The following ADAMTS2 variants were observed in gnomAD, a reference collection of about 807,000 sequenced individuals.
ADAMTS2 encodes A disintegrin and metalloproteinase with thrombospondin motifs 2.
Under a neutral mutation model 123.0 loss-of-function variants are expected in ADAMTS2, and 50 were observed. The observed-to-expected ratio is 0.41, with a 90% CI of 0.32 to 0.51. The LOEUF (loss-of-function observed/expected upper bound fraction) is 0.51. Ranked by LOEUF, ADAMTS2 falls within the 20% of genes least tolerant of loss-of-function variation. ADAMTS2 has a pLI of 0.35. For missense variants in ADAMTS2, 1,494 were observed against 1,705.2 expected (o/e 0.88, Z 2.18); for synonymous variants, 678 against 695.4 (o/e 0.98, Z 0.39).
intron 2 of ADAMTS2, among the ~76,000 whole-genome samples, chr5:179,297,524 CT>C (rs1214303618): frequency 6.6e-6 from 1 of 152,096 alleles, no homozygotes; most frequent in African/African-American, 2.4e-5. Flanking sequence ...CAGCCTGCCC[CT>C]TTCTCTTGAC....
intron 2 of ADAMTS2, among the ~76,000 whole-genome samples, chr5:179,280,640 C>G (rs1382931374): frequency 6.6e-6 from 1 of 152,154 alleles, no homozygotes; most frequent in Non-Finnish European, 1.5e-5. Context: ...CAGCAGCCGT[C>G]TGTCCCTGGG....
At chr5:179,311,852 G>A (rs545091421) in intron 2 of ADAMTS2, among the ~76,000 whole-genome samples, 15 of 152,308 alleles carry the variant, frequency 9.8e-5, no homozygotes, top group Middle Eastern at 3.4e-3. Context: ...CCACTCTAGC[G>A]GTTCCTGTGT....
intron 2 of ADAMTS2, among the ~76,000 whole-genome samples, chr5:179,310,921 G>A (rs1391500213): frequency 1.3e-5 from 2 of 152,016 alleles, no homozygotes; most frequent in South Asian, 2.1e-4. Flanking sequence ...TCAGCAGGGT[G>A]CCCAACCCCA....
intron 10 of ADAMTS2, among the ~76,000 whole-genome samples, chr5:179,149,765 C>T (rs1763317538): frequency 1.3e-5 from 2 of 152,218 alleles, no homozygotes; most frequent in African/African-American, 4.8e-5. Flanking sequence ...AGCCCGTCTT[C>T]CACGTTCCCC....
At chr5:179,169,638 A>G (rs1254267659) in intron 5 of ADAMTS2, among the ~76,000 whole-genome samples, 1 of 152,068 alleles carries the variant, frequency 6.6e-6, no homozygotes, top group Non-Finnish European at 1.5e-5. Flanking sequence ...CCTGTCCCAG[A>G]TCCCCAGGGC....
rs1347294505 is a variant in ADAMTS2 at position 179,128,475 on chromosome 5, CT to C, written c.2458-358del. Among the ~76,000 whole-genome samples, 2 of 152,160 alleles carry C rather than the reference CT, an allele frequency of 1.3e-5. No homozygotes were observed. Among genetic ancestry groups the C allele is most frequent in the African/African-American group, 4.8e-5 (2 of 41,432 alleles). On this transcript the variant is annotated intron_variant, in intron 16 of 21. Transcript: ENST00000251582. The surrounding 1 kb of genome is among the most constrained non-coding windows in gnomAD (Gnocchi z 4.9). ...TGGCACGATCTCGGCTCACTGCAAC[CT>C]CCGCCTCCCAGGTTCAAGCGATTCT... is the stretch of plus-strand genomic sequence containing the variant.
At chr5:179,124,819 G>A (rs1298446339) in intron 19 of ADAMTS2, among the ~76,000 whole-genome samples, 154 bp downstream of exon 19, 5 of 151,958 alleles carry the variant, frequency 3.3e-5, no homozygotes, top group Non-Finnish European at 5.9e-5. Context: ...CTGCAGGCCC[G>A]GCGGCTCTCA....
chr5:179,302,297 T>G (rs1212690665), intron 2 of ADAMTS2, among the ~76,000 whole-genome samples: 1 of 125,356 alleles, frequency 8.0e-6, no homozygotes, highest in Non-Finnish European at 1.6e-5. Context: ...CCGTCTCTAC[T>G]AAAAAAATAT....
intron 2 of ADAMTS2, among the ~76,000 whole-genome samples, chr5:179,284,710 C>T (rs1187233476): frequency 6.6e-6 from 1 of 152,188 alleles, no homozygotes; most frequent in African/African-American, 2.4e-5. Flanking sequence ...CAATAACACT[C>T]TATGCCCTGC....
chr5:179,261,336 C>T (rs1766218340), intron 3 of ADAMTS2, among the ~76,000 whole-genome samples: 1 of 152,226 alleles, frequency 6.6e-6, no homozygotes, highest in South Asian at 2.1e-4. Context: ...ACACTAAAGC[C>T]CCCGTGCTGG....
chr5:179,273,846 C>A (rs1369238849), intron 2 of ADAMTS2, among the ~76,000 whole-genome samples: 1 of 152,136 alleles, frequency 6.6e-6, no homozygotes, highest in East Asian at 1.9e-4. Flanking sequence ...GGGACTCAGG[C>A]TGCTCTATAT....
At chr5:179,148,945 G>A (rs1257477995) in intron 10 of ADAMTS2, among the ~76,000 whole-genome samples, 1 of 95,734 alleles carries the variant, frequency 1.0e-5, no homozygotes, top group African/African-American at 4.2e-5. Context: ...GGCCCCTGGG[G>A]GGTCCTAGCC....
intron 3 of ADAMTS2, among the ~76,000 whole-genome samples, chr5:179,259,080 G>A (rs1022273030): frequency 6.6e-6 from 1 of 152,078 alleles, no homozygotes; most frequent in African/African-American, 2.4e-5. Flanking sequence ...CCTGCTGCAT[G>A]GCACAGCCCC....
intron 10 of ADAMTS2, among the ~76,000 whole-genome samples, chr5:179,144,522 A>T (rs1042478788): frequency 2.6e-5 from 4 of 152,244 alleles, no homozygotes; most frequent in African/African-American, 4.8e-5. Flanking sequence ...TTACTATTAA[A>T]CTACAGTAAT....
chr5:179,265,236 T>A lies in ADAMTS2; in HGVS notation c.688+7675A>T, dbSNP rs1766337163. On this transcript the variant is annotated intron_variant, in intron 3 of 21. Coordinates refer to ENST00000251582, the MANE Select transcript of ADAMTS2 (RefSeq NM_014244.5). ...CATCCTCCGGGTCAGGCTTGTCACC[T>A]GCCCACGGTGCTCCACCAAAGATCC... Among the ~76,000 whole-genome samples, 5 of 152,216 alleles carry A rather than the reference T, an allele frequency of 3.3e-5. No individual in the cohort carries two copies. The South Asian group carries it at 1.0e-3, about 31-fold the overall frequency.
intron 5 of ADAMTS2, among the ~76,000 whole-genome samples, chr5:179,173,041 CA>C (rs1228973444): frequency 1.6e-3 from 196 of 121,882 alleles, no homozygotes; most frequent in Admixed American, 4.4e-3. Context: ...CCTGTCTCTA[CA>C]AAAAAAAAAA....
chr5:179,299,336 T>G (rs191908734), intron 2 of ADAMTS2, among the ~76,000 whole-genome samples: 1 of 47,946 alleles, frequency 2.1e-5, no homozygotes, highest in Admixed American at 2.8e-4. Context: ...GAGACCATCC[T>G]GGCTAACACG....
Position 179,225,095 on chromosome 5 carries a change from C to A in ADAMTS2, c.689-17380G>T, listed in dbSNP as rs565525954. ...GATGTGTTTTATGGTGGAATCCTCA[C>A]GCAGGGGCCTGAGGAACACTCCCTG... On this transcript the variant is annotated intron_variant, in intron 3 of 21. Transcript: ENST00000251582. The surrounding 1 kb of genome is among the most constrained non-coding windows in gnomAD (Gnocchi z 4.5). Among the ~76,000 whole-genome samples the A allele has an allele frequency of 6.6e-6, 1 of 152,150 alleles. No homozygotes were observed. Among genetic ancestry groups the A allele is most frequent in the Non-Finnish European group, 1.5e-5 (1 of 68,038 alleles).
intron 5 of ADAMTS2, among the ~76,000 whole-genome samples, chr5:179,173,319 C>T (rs551890788): frequency 7.5e-4 from 114 of 151,928 alleles, no homozygotes; most frequent in African/African-American, 2.7e-3. Context: ...ATTAATTAGC[C>T]TACTGCCCAC....
Sources: allele counts gnomAD v4.1 joint callset (sites outside exome capture counted in the v4.1 genomes callset), GRCh38; gene constraint gnomAD v4.1.1; non-coding constraint Gnocchi (gnomAD v3.1); transcripts MANE v1.5; gene names NCBI Gene and HGNC (gene_info 2026-07-23, HGNC 2026-07-21).